Variants in CYFIP2 observed in about 807,000 individuals in gnomAD.
The protein encoded by CYFIP2 is cytoplasmic FMR1-interacting protein 2.
A neutral mutation model predicts 158.7 loss-of-function variants in CYFIP2; 29 were observed. The observed-to-expected ratio is 0.18, with a 90% CI of 0.14 to 0.25. CYFIP2 has a LOEUF of 0.25. Among genes scored for constraint, CYFIP2 ranks in the 10% least tolerant of loss-of-function variants. The probability of loss-of-function intolerance (pLI) is 1.00; values close to 1 mark genes in which losing one functional copy is unlikely to be tolerated. For synonymous variants in CYFIP2, 585 were observed against 617.6 expected, an observed-to-expected ratio of 0.95 and a Z score of 0.78; for missense variants, 852 against 1,639.5, an observed-to-expected ratio of 0.52 and a Z score of 8.29.
At chr5:157,354,894 G>A (rs1763310096) in intron 23 of CYFIP2, among the ~76,000 whole-genome samples, 1 of 152,184 alleles carries the variant, frequency 6.6e-6, no homozygotes, top group Admixed American at 6.5e-5. Flanking sequence ...TTGCCAGGAA[G>A]TGTTCAGGGA....
intron 28 of CYFIP2, among the ~76,000 whole-genome samples, chr5:157,386,128 CA>C (rs1255557103): frequency 6.6e-6 from 1 of 152,096 alleles, no homozygotes; most frequent in African/African-American, 2.4e-5. Context: ...CTGGCCTTAC[CA>C]GTAATCAGTG....
intron 18 of CYFIP2, among the ~76,000 whole-genome samples, chr5:157,327,627 T>C (rs1310904947): frequency 1.3e-5 from 2 of 151,714 alleles, no homozygotes; most frequent in East Asian, 3.9e-4. Context: ...TCTGAAGAGA[T>C]GGATGGGGAG....
At chr5:157,308,960 T>G (rs1489463437) in intron 9 of CYFIP2, among the ~76,000 whole-genome samples, 1 of 152,196 alleles carries the variant, frequency 6.6e-6, no homozygotes, top group East Asian at 1.9e-4. Context: ...CTGAAAAATA[T>G]GAATACCAAG....
Position 157,389,306 on chromosome 5 carries a change from C to T in CYFIP2, c.3325C>T (p.Arg1109Trp), listed in dbSNP as rs775411830. Residue 1109 changes from arginine (R) to tryptophan (W), a missense_variant, in exon 29 of 31, where the codon CGG becomes TGG. By Grantham distance (101) the Arg-to-Trp change is moderately radical (BLOSUM62 -3). Coordinates refer to ENST00000620254, the MANE Select transcript of CYFIP2 (RefSeq NM_001037333.3). ...GAGCTACCTGCAGGACCCCATCTGG[C>T]GGGGCCCACCGCCCACCAATGGCGT... The part of the protein sequence containing the change: ...IRSYLQDPIW[R>W]GPPPTNGVMH... 1.5e-5 allele frequency: 24 copies of T among 1,613,920 alleles called. No homozygotes were observed. The highest frequency in any genetic ancestry group is 1.1e-4 in the African/African-American group (8 of 74,952).
Position 157,327,792 on chromosome 5 carries a change from G to A in CYFIP2, c.2080-181G>A, listed in dbSNP as rs903620645. 10 of 591,684 alleles carry A rather than the reference G, an allele frequency of 1.7e-5. No individual in the cohort carries two copies. The African/African-American group carries it at 1.9e-4, about 11-fold the overall frequency. 36.7% of individuals were successfully genotyped at this position (591,684 alleles called of 1,614,324 possible). ...TTGACTTGTCTGTTCACTGACTGAG[G>A]ACCCTGAGAGCAAGGGACCAAATCT... On this transcript the variant is annotated intron_variant, in intron 18 of 30. Coordinates refer to ENST00000620254, the MANE Select transcript of CYFIP2 (RefSeq NM_001037333.3).
intron 21 of CYFIP2, among the ~76,000 whole-genome samples, chr5:157,333,837 T>C (rs968266138): frequency 6.6e-6 from 1 of 152,254 alleles, no homozygotes; most frequent in Non-Finnish European, 1.5e-5. Flanking sequence ...TTTACCATTC[T>C]GCTTCACTAT....
In CYFIP2 at chr5:157,323,910, T is replaced by G; in HGVS notation, c.1672-11T>G. 1 of 1,547,196 alleles carries G rather than the reference T, an allele frequency of 6.5e-7. No homozygotes were observed. The highest frequency in any genetic ancestry group is 8.8e-7 in the Non-Finnish European group (1 of 1,140,926). On this transcript the variant is annotated splice_polypyrimidine_tract_variant and intron_variant, in intron 15 of 30. Coordinates refer to ENST00000620254, the MANE Select transcript of CYFIP2 (RefSeq NM_001037333.3). Reference sequence around the variant, plus strand: ...AGCTTCTGACCTTCTCATCTTGCTTTCTTTTTCAAGCTGTACATGGTGCGG... The same window carrying G: ...AGCTTCTGACCTTCTCATCTTGCTTGCTTTTTCAAGCTGTACATGGTGCGG...
chr5:157,362,349 G>C (rs1261561991), intron 26 of CYFIP2, among the ~76,000 whole-genome samples: 2 of 152,146 alleles, frequency 1.3e-5, no homozygotes, highest in Non-Finnish European at 2.9e-5. Flanking sequence ...TGTGGGTCCA[G>C]GTTTCTGAAA....
At chr5:157,306,472 C>G (rs1759231377) in intron 8 of CYFIP2, among the ~76,000 whole-genome samples, 1 of 152,174 alleles carries the variant, frequency 6.6e-6, no homozygotes, top group Non-Finnish European at 1.5e-5. Context: ...TGTTCCCCAC[C>G]CTCTTCAATC....
At chr5:157,359,235 A>C (rs555450687) in intron 24 of CYFIP2, 87 bp downstream of exon 24, 118 of 1,516,426 alleles carry the variant, frequency 7.8e-5, no homozygotes, top group Admixed American at 4.0e-4. Flanking sequence ...CCTGGCCTGT[A>C]AAAACAAATC....
intron 9 of CYFIP2, among the ~76,000 whole-genome samples, chr5:157,309,210 G>T (rs1383859113): frequency 6.6e-6 from 1 of 152,170 alleles, no homozygotes; most frequent in Admixed American, 6.5e-5. Context: ...AGTACCTAGT[G>T]CATGAGAAGC....
chr5:157,328,183 T>G, intron 19 of CYFIP2, 134 bp downstream of exon 19: 1 of 812,178 alleles, frequency 1.2e-6, no homozygotes, highest in Non-Finnish European at 1.9e-6. Context: ...CCGGACTGGG[T>G]GCTGAGATAG....
rs532734406 is a variant in CYFIP2 at position 157,337,974 on chromosome 5, T to A, written c.2386-1083T>A. ...GTTACTTAACCTTCAGGGCCTCAAT[T>A]TCCCCTCTCTGAATGAGGGACCATT... On this transcript the variant is annotated intron_variant, in intron 21 of 30. Coordinates refer to ENST00000620254, the MANE Select transcript of CYFIP2 (RefSeq NM_001037333.3). 6.6e-5 allele frequency among the ~76,000 whole-genome samples: 10 copies of A among 152,300 alleles called. No individual in the cohort carries two copies. In the South Asian group the frequency reaches 2.1e-3, roughly 32 times the overall value.
At chr5:157,320,892 C>T (rs1760541703) in intron 15 of CYFIP2, 90 bp downstream of exon 15, 2 of 1,420,860 alleles carry the variant, frequency 1.4e-6, no homozygotes, top group Admixed American at 3.1e-5. Flanking sequence ...GGCAGTGGGA[C>T]TGGGAGCCGT....
chr5:157,378,982 G>A (rs565244978), intron 26 of CYFIP2, among the ~76,000 whole-genome samples: 3 of 152,178 alleles, frequency 2.0e-5, no homozygotes, highest in African/African-American at 7.2e-5. Context: ...ATGAGCTTTT[G>A]ATGAAAAACA....
chr5:157,392,552 G>A (rs1401459512), intron 30 of CYFIP2, among the ~76,000 whole-genome samples: 1 of 152,142 alleles, frequency 6.6e-6, no homozygotes, highest in Non-Finnish European at 1.5e-5. Flanking sequence ...GTATTTCTGG[G>A]CTCTCTATTC....
Position 157,361,378 on chromosome 5 carries a change from C to G in CYFIP2, c.2909-90C>G. The G allele has an allele frequency of 6.4e-7, 1 of 1,558,850 alleles. No individual in the cohort carries two copies. The highest frequency in any genetic ancestry group is 2.3e-5 in the East Asian group (1 of 44,304). On this transcript the variant is annotated intron_variant, in intron 25 of 30. Transcript: ENST00000620254. This position sits in a 1 kb window ranked among gnomAD's most constrained non-coding sequence, Gnocchi z 4.4. ...GTTTGGCTTTTTGCTATCCCAGAGT[C>G]AGGTCTGGGGCTGCCACTCAGTCAT...
Position 157,327,972 on chromosome 5 carries a change from G to T in CYFIP2, c.2080-1G>T, listed in dbSNP as rs773146179. ...GATGTTTCCTGCTTCCTCTCCACCA[G>T]GTGAACCTGTGTTTTGATCAGTTTG... On this transcript the variant is annotated splice_acceptor_variant, in intron 18 of 30. Coordinates refer to ENST00000620254, the MANE Select transcript of CYFIP2 (RefSeq NM_001037333.3). LOFTEE classifies it high-confidence loss of function. The T allele has an allele frequency of 6.2e-7, 1 of 1,613,852 alleles. No individual in the cohort carries two copies.
intron 26 of CYFIP2, among the ~76,000 whole-genome samples, chr5:157,379,271 C>T (rs985259136): frequency 6.6e-6 from 1 of 152,020 alleles, no homozygotes; most frequent in African/African-American, 2.4e-5. Context: ...ATACTTACAT[C>T]TCTACTGCTG....
Sources: gnomAD v4.1 joint callset for allele counts (sites outside exome capture counted in the v4.1 genomes callset) on GRCh38, gnomAD v4.1.1 for gene constraint, Gnocchi (gnomAD v3.1) non-coding constraint, MANE v1.5 for transcripts, NCBI Gene and HGNC (gene_info 2026-07-23, HGNC 2026-07-21) for gene names.